The following ZFHX3 variants were observed in gnomAD, a reference collection of about 807,000 sequenced individuals.
ZFHX3 encodes the protein zinc finger homeobox protein 3.
ZFHX3 carries 42 observed loss-of-function variants against 279.1 expected under a neutral mutation model. The observed-to-expected ratio is 0.15, with a 90% CI of 0.12 to 0.19. ZFHX3 has a LOEUF of 0.19. ZFHX3 is among the 10% of genes least tolerant of loss of function. The pLI, the probability that ZFHX3 is intolerant of heterozygous loss-of-function variation, is 1.00. For missense variants in ZFHX3, 4,981 were observed against 4,754.0 expected (o/e 1.05, Z -1.40); for synonymous variants, 2,293 against 1,957.8 (o/e 1.17, Z -4.52).
At chr16:73,258,588 T>G (rs1462293961) in intron 4 of ZFHX3, among the ~76,000 whole-genome samples, 2 of 152,100 alleles carry the variant, frequency 1.3e-5, no homozygotes, top group East Asian at 3.9e-4. Context: ...GACCTCGTGA[T>G]CCGCCCACCT....
chr16:72,830,560 A>T (rs1158251241), intron 4 of ZFHX3, among the ~76,000 whole-genome samples: 1 of 152,190 alleles, frequency 6.6e-6, no homozygotes, highest in Non-Finnish European at 1.5e-5. Context: ...TCCATCCTTC[A>T]CTCACTACGG....
intron 3 of ZFHX3, among the ~76,000 whole-genome samples, chr16:73,430,285 C>A (rs2017888403): frequency 6.6e-6 from 1 of 152,146 alleles, no homozygotes; most frequent in Non-Finnish European, 1.5e-5. Flanking sequence ...TTTCAATTAA[C>A]AATGAATCCA....
At chr16:72,858,983 T>C (rs1159237851) in intron 4 of ZFHX3, among the ~76,000 whole-genome samples, 1 of 152,208 alleles carries the variant, frequency 6.6e-6, no homozygotes, top group East Asian at 1.9e-4. Context: ...AGATCCTGAG[T>C]TCCTCAAGCT....
intron 1 of ZFHX3, among the ~76,000 whole-genome samples, chr16:72,987,201 A>C (rs1396399285): frequency 6.6e-6 from 1 of 152,176 alleles, no homozygotes; most frequent in East Asian, 1.9e-4. Context: ...AGAATTCAGT[A>C]GTCATTCCAT....
At position 73,321,633 on chromosome 16, in the gene ZFHX3, T is replaced by C. The variant is rs116170427; in HGVS notation, c.-1290-3297A>G. ...GGAAGGGTCCAGAATAGGATGCAGC[T>C]TGGACATATTTATTCCAGAACCTTC... On this transcript the variant is annotated intron_variant, in intron 3 of 17. Transcript: ENST00000641206. Among the ~76,000 whole-genome samples, 962 of 152,330 alleles carry C rather than the reference T, an allele frequency of 6.3e-3. 9 individuals carry two copies. Among genetic ancestry groups the C allele is most frequent in the African/African-American group, 0.021 (883 of 41,564 alleles).
At chr16:73,433,409 G>T (rs2017943216) in intron 3 of ZFHX3, among the ~76,000 whole-genome samples, 2 of 152,154 alleles carry the variant, frequency 1.3e-5, no homozygotes, top group Non-Finnish European at 2.9e-5. Context: ...GTAGACAATA[G>T]ATACCGCATC....
chr16:73,699,774 C>T lies in ZFHX3; in HGVS notation c.-1607-19534G>A, dbSNP rs1597072349. On this transcript the variant is annotated intron_variant, in intron 1 of 17. Coordinates refer to the ZFHX3 transcript ENST00000641206. ...GGTACCTCTTACTTGTACTTTTACA[C>T]ACCAGTGACCCTGCCTGTACAACAA... 2.0e-5 allele frequency among the ~76,000 whole-genome samples: 3 copies of T among 152,310 alleles called. No homozygotes were observed. The East Asian group carries it at 5.8e-4, about 29-fold the overall frequency.
At chr16:73,438,857 T>C (rs2018039497) in intron 3 of ZFHX3, among the ~76,000 whole-genome samples, 1 of 152,184 alleles carries the variant, frequency 6.6e-6, no homozygotes, top group Admixed American at 6.5e-5. Flanking sequence ...TGTTTTCCAA[T>C]GGAGAGAAAA....
intron 2 of ZFHX3, among the ~76,000 whole-genome samples, chr16:72,951,234 G>C (rs908560720): frequency 6.6e-6 from 1 of 152,120 alleles, no homozygotes; most frequent in Non-Finnish European, 1.5e-5. Flanking sequence ...AGAAAAGTTA[G>C]GAGCCATAGC....
In ZFHX3 at chr16:72,849,860, CAAAAAAAAAAAAAAAAAAAAAAAAAA is replaced by C. The variant is rs542156633; in HGVS notation, c.3449-20027_3449-20002del. On this transcript the variant is annotated intron_variant, in intron 4 of 9. Transcript: ENST00000268489. ...TCTCTGCCACTTGGAGTTCACCTAC[CAAAAAAAAAAAAAAAAAAAAAAAAAA>C]AAAAAAAAAAAAAAAAAAAAATTCA... Among the ~76,000 whole-genome samples, 140 of 56,558 alleles carry C rather than the reference CAAAAAAAAAAAAAAAAAAAAAAAAAA, an allele frequency of 2.5e-3. 2 individuals carry two copies. The highest frequency in any genetic ancestry group is 8.0e-3 in the East Asian group (9 of 1,128). The allele number at this position is 56,558 out of a possible 152,430, so 37.1% of individuals were successfully genotyped here. A position where few individuals can be genotyped will look rare whatever the true frequency, so the allele number is the denominator to read the frequency against.
At chr16:72,810,921 G>A (rs1336665156) in intron 7 of ZFHX3, among the ~76,000 whole-genome samples, 2 of 151,926 alleles carry the variant, frequency 1.3e-5, no homozygotes, top group East Asian at 3.9e-4. Context: ...CCCTCTGTTA[G>A]CCAGGCTGCA....
chr16:73,345,057 A>T (rs2016099405), intron 3 of ZFHX3, among the ~76,000 whole-genome samples: 1 of 152,092 alleles, frequency 6.6e-6, no homozygotes, highest in Non-Finnish European at 1.5e-5. Flanking sequence ...AGCCTTACTC[A>T]GCTTAAAGGG....
chr16:73,793,897 G>A (rs962402335), intron 1 of ZFHX3, among the ~76,000 whole-genome samples: 1 of 152,094 alleles, frequency 6.6e-6, no homozygotes, highest in Non-Finnish European at 1.5e-5. Flanking sequence ...GCAAGCTGAG[G>A]TTCAAAAATG....
intron 3 of ZFHX3, among the ~76,000 whole-genome samples, chr16:73,397,815 G>C (rs1240780491): frequency 6.7e-6 from 1 of 149,516 alleles, no homozygotes; most frequent in Non-Finnish European, 1.5e-5. Flanking sequence ...TCTTGGAAAT[G>C]GGGGGGACAT....
Position 72,795,136 on chromosome 16 carries a change from T to G in ZFHX3, c.7546A>C (p.Thr2516Pro). The change falls in exon 9 of 10, where the codon ACT becomes CCT. Residue 2516 changes from threonine to proline, a missense_variant. Physicochemically the swap from Thr to Pro is conservative, Grantham distance 38. Around this residue, in one of 7 missense-constraint regions of ZFHX3, gnomAD observed 744 missense variants for 701.3 expected, o/e 1.06. Coordinates refer to ENST00000268489, the MANE Select transcript of ZFHX3 (RefSeq NM_006885.4). ...GGTAGGTTTGCGAGCTGTTGAGGAG[T>G]TGATGTGTGGAGGGGCTTGAGGGGC... ...HLPLKPLHTSTPQQLANLPPQ... is the reference protein window; with the variant it reads ...HLPLKPLHTSPPQQLANLPPQ... 6.2e-7 allele frequency: 1 copy of G among 1,612,192 alleles called. No homozygotes were observed. The highest frequency in any genetic ancestry group is 1.1e-5 in the South Asian group (1 of 90,910).
intron 3 of ZFHX3, among the ~76,000 whole-genome samples, chr16:73,431,822 C>T (rs555670048): frequency 7.2e-5 from 11 of 152,046 alleles, no homozygotes; most frequent in Non-Finnish European, 1.3e-4. Flanking sequence ...AGGAGGCAGG[C>T]GATGGCCTTC....
At chr16:72,884,922 G>A (rs1163043507) in intron 4 of ZFHX3, among the ~76,000 whole-genome samples, 1 of 152,216 alleles carries the variant, frequency 6.6e-6, no homozygotes, top group Admixed American at 6.5e-5. Flanking sequence ...GGGTGGGTAA[G>A]TATGAAATGC....
At position 72,794,210 on chromosome 16, in the gene ZFHX3, G is replaced by A; in HGVS notation, c.8472C>T (p.Asn2824=). The A allele has an allele frequency of 1.2e-6, 2 of 1,614,210 alleles. No individual in the cohort carries two copies. The highest frequency in any genetic ancestry group is 1.1e-5 in the South Asian group (1 of 91,088). ...ESPSMSSVNL[N]FDQTKLDNDD... Reference sequence around the variant, plus strand: ...CGTTGTCCAGCTTAGTTTGGTCAAAGTTTAGATTAACTGAGGACATGGAGG... The same window carrying A: ...CGTTGTCCAGCTTAGTTTGGTCAAAATTTAGATTAACTGAGGACATGGAGG... The change falls in exon 9 of 10, where the codon AAC becomes AAT. Residue 2824 remains asparagine (N), a synonymous_variant. Coordinates refer to ENST00000268489, the MANE Select transcript of ZFHX3 (RefSeq NM_006885.4). The surrounding 1 kb of genome is among the most constrained non-coding windows in gnomAD (Gnocchi z 4.2).
intron 5 of ZFHX3, among the ~76,000 whole-genome samples, chr16:73,202,637 C>T (rs2011648234): frequency 6.6e-6 from 1 of 152,196 alleles, no homozygotes; most frequent in Admixed American, 6.5e-5. Context: ...GGACTTCGGC[C>T]CCAGTCTAGC....
Sources: gnomAD v4.1 joint callset for allele counts (sites outside exome capture counted in the v4.1 genomes callset) on GRCh38, gnomAD v4.1.1 for gene constraint, gnomAD v4.1.1 regional missense constraint, Gnocchi (gnomAD v3.1) non-coding constraint, MANE v1.5 for transcripts, NCBI Gene and HGNC (gene_info 2026-07-23, HGNC 2026-07-21) for gene names.